Variants in CCSER1 observed in about 807,000 individuals in gnomAD.
The protein encoded by CCSER1 is coiled-coil serine rich protein 1, also known as serine-rich coiled-coil domain-containing protein 1.
Under a neutral mutation model 82.0 loss-of-function variants are expected in CCSER1, and 41 were observed. The observed-to-expected ratio is 0.50, with a 90% CI of 0.39 to 0.65. The LOEUF is 0.65. Among genes scored for constraint, CCSER1 ranks in the 30% least tolerant of loss-of-function variants. The pLI is 0.00. For missense variants in CCSER1, 1,119 were observed against 1,064.2 expected (o/e 1.05, Z -0.72); for synonymous variants, 414 against 383.9 (o/e 1.08, Z -0.92).
chr4:91,346,304 G>A (rs545251069), intron 10 of CCSER1, among the ~76,000 whole-genome samples: 7 of 151,958 alleles, frequency 4.6e-5, no homozygotes, highest in South Asian at 2.1e-4. Flanking sequence ...TGTGAGCCAC[G>A]GCGCCTGGTC....
chr4:91,209,785 T>C (rs1241758452), intron 10 of CCSER1, among the ~76,000 whole-genome samples: 1 of 151,590 alleles, frequency 6.6e-6, no homozygotes, highest in Non-Finnish European at 1.5e-5. Context: ...CATGGATTCA[T>C]TTTTTTTCCC....
At chr4:91,361,823 A>G (rs1387724040) in intron 10 of CCSER1, among the ~76,000 whole-genome samples, 1 of 151,854 alleles carries the variant, frequency 6.6e-6, no homozygotes, top group Non-Finnish European at 1.5e-5. Flanking sequence ...CTACTGTACT[A>G]GACAACTTTC....
chr4:90,314,837 CTT>C (rs765931168), intron 3 of CCSER1, among the ~76,000 whole-genome samples: 1,938 of 87,326 alleles, frequency 0.022, 19 homozygotes, highest in African/African-American at 0.074. Flanking sequence ...CTCAGATTTA[CTT>C]TTTTTTTTTT....
intron 9 of CCSER1, among the ~76,000 whole-genome samples, chr4:91,020,099 A>G (rs2150524132): frequency 6.6e-6 from 1 of 152,330 alleles, no homozygotes; most frequent in South Asian, 2.1e-4. Flanking sequence ...AAAACAATGA[A>G]TAAAAATAGC....
chr4:91,353,062 G>A (rs1748582496), intron 10 of CCSER1, among the ~76,000 whole-genome samples: 1 of 152,146 alleles, frequency 6.6e-6, no homozygotes, highest in African/African-American at 2.4e-5. Context: ...TGAAAACCTG[G>A]GGGAACTGTA....
At chr4:90,272,078 G>T (rs76427776) in intron 1 of CCSER1, among the ~76,000 whole-genome samples, 1 of 151,054 alleles carries the variant, frequency 6.6e-6, no homozygotes, top group Non-Finnish European at 1.5e-5. Flanking sequence ...CGACAACAGC[G>T]TGGGGGAAAC....
At chr4:90,478,460 G>A (rs1658907186) in intron 5 of CCSER1, among the ~76,000 whole-genome samples, 2 of 152,076 alleles carry the variant, frequency 1.3e-5, no homozygotes, top group African/African-American at 4.8e-5. Context: ...ATAATTACGT[G>A]TTGAATATAT....
chr4:90,530,661 T>C (rs151084029), intron 5 of CCSER1, among the ~76,000 whole-genome samples: 1 of 152,128 alleles, frequency 6.6e-6, no homozygotes, highest in African/African-American at 2.4e-5. Flanking sequence ...ATGGCGCTTG[T>C]AGGTATGTTA....
chr4:90,937,565 A>C (rs1350834797), intron 9 of CCSER1, among the ~76,000 whole-genome samples: 2 of 152,032 alleles, frequency 1.3e-5, no homozygotes, highest in African/African-American at 4.8e-5. Context: ...TCCCCAAGCC[A>C]GCATCCATGG....
intron 8 of CCSER1, among the ~76,000 whole-genome samples, chr4:90,834,755 G>A (rs1055460379): frequency 2.0e-5 from 3 of 152,100 alleles, no homozygotes; most frequent in Non-Finnish European, 1.5e-5. Flanking sequence ...CCCATGTAAC[G>A]GAAAGGGCGA....
At chr4:91,147,826 TACACTTAAA>T (rs1315603981) in intron 10 of CCSER1, among the ~76,000 whole-genome samples, 1 of 152,240 alleles carries the variant, frequency 6.6e-6, no homozygotes, top group Non-Finnish European at 1.5e-5. Context: ...GAAAAAATGA[TACACTTAAA>T]ACACTGAAAA....
intron 5 of CCSER1, among the ~76,000 whole-genome samples, chr4:90,588,009 T>C (rs1367483884): frequency 6.6e-6 from 1 of 152,218 alleles, no homozygotes; most frequent in Admixed American, 6.5e-5. Flanking sequence ...GCGATAGCAT[T>C]ATGTCTAAAA....
chr4:91,347,507 G>T (rs1578235820), intron 10 of CCSER1, among the ~76,000 whole-genome samples: 1 of 151,706 alleles, frequency 6.6e-6, no homozygotes, highest in African/African-American at 2.4e-5. Flanking sequence ...TCCACAAAAT[G>T]ACTCACTGAG....
At chr4:90,585,942 T>G (rs758567547) in intron 5 of CCSER1, among the ~76,000 whole-genome samples, 16 of 152,202 alleles carry the variant, frequency 1.1e-4, no homozygotes, top group Non-Finnish European at 1.5e-4. Context: ...TTATTTTCTA[T>G]TATTATCCTA....
intron 10 of CCSER1, among the ~76,000 whole-genome samples, chr4:91,340,132 A>T (rs983802982): frequency 6.6e-6 from 1 of 152,158 alleles, no homozygotes; most frequent in Middle Eastern, 3.2e-3. Flanking sequence ...ACAAAAAAAG[A>T]TTAATTTATA....
chr4:90,876,568 C>T lies in CCSER1; in HGVS notation c.2095-46802C>T, dbSNP rs552643095. Reference sequence around the variant, plus strand: ...ACCCAAATATCTCTGAGAGTTTGCTCTCACAACATCTAACTAATCATCATC... The same window carrying T: ...ACCCAAATATCTCTGAGAGTTTGCTTTCACAACATCTAACTAATCATCATC... On this transcript the variant is annotated intron_variant, in intron 8 of 10. Transcript: ENST00000509176. Among the ~76,000 whole-genome samples, 6 of 152,214 alleles carry T rather than the reference C, an allele frequency of 3.9e-5. No individual in the cohort carries two copies. The East Asian group carries it at 9.7e-4, about 25-fold the overall frequency.
intron 1 of CCSER1, among the ~76,000 whole-genome samples, chr4:90,206,258 C>T (rs1738809239): frequency 6.6e-6 from 1 of 152,008 alleles, no homozygotes; most frequent in Admixed American, 6.6e-5. Context: ...TTTGTTTGCT[C>T]TTGCTTCTCT....
intron 1 of CCSER1, among the ~76,000 whole-genome samples, chr4:90,146,569 G>A (rs539001813): frequency 1.3e-5 from 2 of 151,948 alleles, no homozygotes; most frequent in South Asian, 2.1e-4. Flanking sequence ...AATAAAATAC[G>A]GCTGTGAACT....
chr4:90,864,319 A>G lies in CCSER1; in HGVS notation c.2094+48474A>G, dbSNP rs546858776. On this transcript the variant is annotated intron_variant, in intron 8 of 10. Transcript: ENST00000509176. ...TGCTATGGTTTGAAAGTGTCCCCCAAAGTTCATGTGTTGGAAACAACCTCC... is the reference window on the plus strand; with the variant it reads ...TGCTATGGTTTGAAAGTGTCCCCCAGAGTTCATGTGTTGGAAACAACCTCC... 7.9e-5 allele frequency among the ~76,000 whole-genome samples: 12 copies of G among 152,052 alleles called. No homozygotes were observed. In the East Asian group the frequency reaches 2.3e-3, roughly 30 times the overall value.
Sources: allele counts gnomAD v4.1 joint callset (sites outside exome capture counted in the v4.1 genomes callset), GRCh38; gene constraint gnomAD v4.1.1; transcripts MANE v1.5; gene names NCBI Gene and HGNC (gene_info 2026-07-23, HGNC 2026-07-21).